The following LRRK2 variants were observed in gnomAD, a reference collection of about 807,000 sequenced individuals.
LRRK2 encodes leucine rich repeat kinase 2, also known as leucine-rich repeat serine/threonine-protein kinase 2.
A neutral mutation model predicts 302.6 loss-of-function variants in LRRK2; 203 were observed. That is an observed-to-expected ratio of 0.67 (90% CI 0.60 to 0.75). The LOEUF is 0.75. Among genes scored for constraint, LRRK2 ranks in the 30% least tolerant of loss-of-function variants. The probability of loss-of-function intolerance (pLI) is 0.00; values close to 1 mark genes in which losing one functional copy is unlikely to be tolerated. For synonymous variants in LRRK2, 1,066 were observed against 1,031.9 expected (o/e 1.03, Z -0.63); for missense variants, 2,830 against 2,951.0 (o/e 0.96, Z 0.95).
intron 41 of LRRK2, among the ~76,000 whole-genome samples, chr12:40,341,827 A>AC (rs1946052817): frequency 6.6e-6 from 1 of 152,226 alleles, no homozygotes; most frequent in African/African-American, 2.4e-5. Context: ...TGCAACTCTA[A>AC]CATGAAGAAG....
rs1382115434 is a variant in LRRK2, at chr12:40,300,774, T to TA, written c.3496+1520dup. On this transcript the variant is annotated intron_variant, in intron 25 of 50. Coordinates refer to ENST00000298910, the MANE Select transcript of LRRK2 (RefSeq NM_198578.4). Reference sequence around the variant, plus strand: ...AAACATTAAGTAATGATGGCATAAATAAATGTAATTTTATATTGTGGTGCC... The same window carrying TA: ...AAACATTAAGTAATGATGGCATAAATAAAATGTAATTTTATATTGTGGTGCC... 4 of 471,092 alleles carry TA rather than the reference T, an allele frequency of 8.5e-6. No individual in the cohort carries two copies. In the East Asian group the frequency reaches 2.8e-4, roughly 33 times the overall value. The allele number at this position is 471,092 out of a possible 1,614,324, so 29.2% of individuals were successfully genotyped here.
intron 42 of LRRK2, among the ~76,000 whole-genome samples, chr12:40,348,065 G>C (rs1396904195): frequency 6.6e-6 from 1 of 152,124 alleles, no homozygotes; most frequent in Non-Finnish European, 1.5e-5. Context: ...TTAAATGCTT[G>C]CTTACTTTGA....
intron 7 of LRRK2, among the ~76,000 whole-genome samples, chr12:40,249,047 A>G (rs934433342): frequency 6.6e-6 from 1 of 152,108 alleles, no homozygotes; most frequent in African/African-American, 2.4e-5. Flanking sequence ...ATGATACAGG[A>G]TATTTTCCAT....
intron 20 of LRRK2, among the ~76,000 whole-genome samples, chr12:40,288,152 G>A (rs1177208633): frequency 1.3e-5 from 2 of 151,658 alleles, no homozygotes; most frequent in African/African-American, 4.8e-5. Context: ...AAAACACTGG[G>A]TGATAGAATA....
chr12:40,265,604 C>G (rs986980938), intron 14 of LRRK2, among the ~76,000 whole-genome samples: 7 of 152,166 alleles, frequency 4.6e-5, no homozygotes, highest in African/African-American at 1.7e-4. Context: ...AGTAGCTGTA[C>G]ATGCTTGTTC....
chr12:40,340,759 A>G (rs1032069162), intron 41 of LRRK2, among the ~76,000 whole-genome samples: 5 of 152,232 alleles, frequency 3.3e-5, no homozygotes, highest in South Asian at 2.1e-4. Context: ...AAAAAGTAAC[A>G]GCAAAAACTT....
At position 40,278,003 on chromosome 12, in the gene LRRK2, A is replaced by G. The variant is rs775571337; in HGVS notation, c.2057A>G (p.Gln686Arg). Residue 686 changes from glutamine (Q) to arginine (R), a missense_variant, in exon 17 of 51, where the codon CAA becomes CGA. Coordinates refer to ENST00000298910, the MANE Select transcript of LRRK2 (RefSeq NM_198578.4). ...CAAATGTCTTCCAATATCATGGAAC[A>G]AAAGGATCAACAGGTACAGTGTTTT... ...FHQMSSNIME[Q>R]KDQQFLNLCC... 1 of 1,613,796 alleles carries G rather than the reference A, an allele frequency of 6.2e-7. No homozygotes were observed. Among genetic ancestry groups the G allele is most frequent in the Non-Finnish European group, 8.5e-7 (1 of 1,179,968 alleles).
At chr12:40,326,193 A>G (rs1156542645) in intron 38 of LRRK2, among the ~76,000 whole-genome samples, 1 of 152,294 alleles carries the variant, frequency 6.6e-6, no homozygotes, top group South Asian at 2.1e-4. Context: ...TGCCGGGCGC[A>G]GTGGCTCATG....
intron 2 of LRRK2, among the ~76,000 whole-genome samples, chr12:40,231,804 T>C (rs1257439803): frequency 2.0e-5 from 3 of 147,384 alleles, no homozygotes; most frequent in Non-Finnish European, 3.0e-5. Flanking sequence ...TATATATATA[T>C]ATAATATATA....
intron 41 of LRRK2, among the ~76,000 whole-genome samples, chr12:40,345,826 TA>T (rs10715759): frequency 0.3 from 46,043 of 151,908 alleles, 7,169 homozygotes; most frequent in South Asian, 0.37. Context: ...TTCTTTAGAA[TA>T]AGGATGTTTA....
intron 13 of LRRK2, among the ~76,000 whole-genome samples, chr12:40,259,906 A>G (rs1469646944): frequency 6.6e-6 from 1 of 152,146 alleles, no homozygotes; most frequent in South Asian, 2.1e-4. Flanking sequence ...TTTTGTTGCC[A>G]TGACCTGAGT....
intron 33 of LRRK2, 59 bp downstream of exon 33, chr12:40,315,359 G>T (rs534097689): frequency 3.6e-6 from 5 of 1,370,242 alleles, no homozygotes; most frequent in Admixed American, 1.7e-5. Flanking sequence ...AACAGATGGC[G>T]CCCAGAGCAT....
intron 18 of LRRK2, among the ~76,000 whole-genome samples, 169 bp from the exon 19 acceptor site, chr12:40,283,706 A>T (rs1943800107): frequency 6.6e-6 from 1 of 152,200 alleles, no homozygotes; most frequent in South Asian, 2.1e-4. Flanking sequence ...GATGGCATTA[A>T]TATCATCTTA....
chr12:40,233,364 A>T (rs1941292358), intron 3 of LRRK2, among the ~76,000 whole-genome samples: 1 of 152,092 alleles, frequency 6.6e-6, no homozygotes, highest in Admixed American at 6.5e-5. Flanking sequence ...TTTATGAAAA[A>T]TTTTCAGGTG....
rs141177841 is a variant in LRRK2, at chr12:40,232,355, A to G, written c.319A>G (p.Asn107Asp). 64 of 1,613,830 alleles carry G rather than the reference A, an allele frequency of 4.0e-5. No individual in the cohort carries two copies. In the African/African-American group the frequency reaches 8.3e-4, roughly 21 times the overall value. The change falls in exon 3 of 51, where the codon AAT becomes GAT. Residue 107 changes from asparagine (N) to aspartate (D), a missense_variant. Physicochemically the swap from Asn to Asp is conservative, Grantham distance 23. Around this residue, in one of 3 missense-constraint regions of LRRK2, gnomAD observed 2,121 missense variants for 2,148.0 expected, o/e 0.99. Coordinates refer to ENST00000298910, the MANE Select transcript of LRRK2 (RefSeq NM_198578.4). ...CTTAATGGGACCCCAGGATGTTGGA[A>G]ATGATTGGGAAGTCCTTGGTGTTCA... ...QSLMGPQDVG[N>D]DWEVLGVHQL... is the part of the protein sequence containing the mutation.
At chr12:40,239,020 TTGTC>T (rs1244801580) in intron 5 of LRRK2, among the ~76,000 whole-genome samples, 3 of 152,164 alleles carry the variant, frequency 2.0e-5, no homozygotes, top group Non-Finnish European at 4.4e-5. Flanking sequence ...GGCCAGAAAT[TTGTC>T]TGTTTGCTTC....
chr12:40,263,863 AATG>A lies in LRRK2; in HGVS notation c.1621_1623del (p.Asp541del), dbSNP rs1405804349. 2 of 1,612,982 alleles carry A rather than the reference AATG, an allele frequency of 1.2e-6. No individual in the cohort carries two copies. Among genetic ancestry groups the A allele is most frequent in the South Asian group, 1.1e-5 (1 of 90,938 alleles). ...TATGGTTAAAAAACAGTGTTTCAAGAATGATATTCACAAACTGGTCCTAGCAGC... is the reference window on the plus strand; with the variant it reads ...TATGGTTAAAAAACAGTGTTTCAAGAATATTCACAAACTGGTCCTAGCAGC... On this transcript the variant is annotated inframe_deletion, in exon 14 of 51. Coordinates refer to ENST00000298910, the MANE Select transcript of LRRK2 (RefSeq NM_198578.4).
chr12:40,350,284 A>T (rs4768235), intron 43 of LRRK2, among the ~76,000 whole-genome samples: 116,850 of 152,104 alleles, frequency 0.77, 45,732 homozygotes, highest in Non-Finnish European at 0.86. Flanking sequence ...ATACATTTAT[A>T]TTATCTCACT....
chr12:40,284,561 C>T (rs1296698294), intron 19 of LRRK2, among the ~76,000 whole-genome samples: 2 of 151,930 alleles, frequency 1.3e-5, no homozygotes, highest in African/African-American at 4.8e-5. Context: ...AAAGCATACA[C>T]ACATATTTAT....
Sources: allele counts gnomAD v4.1 joint callset (sites outside exome capture counted in the v4.1 genomes callset), GRCh38; gene constraint gnomAD v4.1.1; regional missense constraint gnomAD v4.1.1; transcripts MANE v1.5; gene names NCBI Gene and HGNC (gene_info 2026-07-23, HGNC 2026-07-21).